C8orf33: variants seen among roughly 807,000 people sequenced by gnomAD.
The protein encoded by C8orf33 is UPF0488 protein C8orf33.
A neutral mutation model predicts 25.7 loss-of-function variants in C8orf33; 28 were observed. The ratio of observed to expected loss-of-function variants is 1.09; its 90% CI spans 0.81 to 1.49. The LOEUF (loss-of-function observed/expected upper bound fraction) is 1.49. Among genes scored for constraint, C8orf33 ranks in the 40% most tolerant of loss-of-function variants. The pLI is 0.00. For missense variants in C8orf33, 369 were observed against 294.4 expected, an observed-to-expected ratio of 1.25 and a Z score of -1.85; for synonymous variants, 153 against 115.9, an observed-to-expected ratio of 1.32 and a Z score of -2.06.
In C8orf33 at chr8:145,055,320, C is replaced by T. The variant is rs1587004091; in HGVS notation, c.*1163C>T. 1 of 152,196 alleles carries T rather than the reference C, an allele frequency of 6.6e-6. No individual in the cohort carries two copies. The highest frequency in any genetic ancestry group is 2.4e-5 in the African/African-American group (1 of 41,400). 9.4% of individuals were successfully genotyped at this position (152,196 alleles called of 1,614,324 possible). On this transcript the variant is annotated 3_prime_UTR_variant, in exon 5 of 5. Transcript: ENST00000331434. ...ATTATAATAATCCTCACTCTACAAT[C>T]ATAACCTAGGAAAAACCAGGCCATA... is the stretch of plus-strand genomic sequence containing the variant.
chr8:145,053,241 G>A, intron 3 of C8orf33, 56 bp from the exon 4 acceptor site: 1 of 1,612,878 alleles, frequency 6.2e-7, no homozygotes, highest in South Asian at 1.1e-5. Context: ...CTTTGCGGCG[G>A]GGTGGTAGGA....
In C8orf33 at chr8:145,054,324, G is replaced by A. The variant is rs1822; in HGVS notation, c.*167G>A. ...TGTGAAGGTGTGAGACCATCAGATA[G>A]GCAAAAGACCCCGTTCGTTTTCTGA... is the stretch of plus-strand genomic sequence containing the variant. On this transcript the variant is annotated 3_prime_UTR_variant, in exon 5 of 5. Transcript: ENST00000331434. 1,410 of 641,124 alleles carry A rather than the reference G, an allele frequency of 2.2e-3. 12 individuals carry two copies. Among genetic ancestry groups the A allele is most frequent in the African/African-American group, 0.02 (1,091 of 54,532 alleles). 39.7% of individuals were successfully genotyped at this position (641,124 alleles called of 1,614,324 possible). A position where few individuals can be genotyped will look rare whatever the true frequency, so the allele number is the denominator to read the frequency against.
In C8orf33 at chr8:145,055,566, C is replaced by T; in HGVS notation, c.*1409C>T. ...ACTGGGAAAAGGAGCCTCCCTTTCC[C>T]CGGGGGAGTTTAGAGAAGACTACTC... On this transcript the variant is annotated 3_prime_UTR_variant, in exon 5 of 5. Transcript: ENST00000331434. 1 of 164,746 alleles carries T rather than the reference C, an allele frequency of 6.1e-6. No homozygotes were observed. The highest frequency in any genetic ancestry group is 1.6e-4 in the South Asian group (1 of 6,192). 10.2% of individuals were successfully genotyped at this position (164,746 alleles called of 1,614,324 possible). A position where few individuals can be genotyped will look rare whatever the true frequency, so the allele number is the denominator to read the frequency against.
chr8:145,055,943 A>T lies in C8orf33; in HGVS notation c.*1786A>T. 1 of 214,064 alleles carries T rather than the reference A, an allele frequency of 4.7e-6. No homozygotes were observed. 13.3% of individuals were successfully genotyped at this position (214,064 alleles called of 1,614,324 possible). A position where few individuals can be genotyped will look rare whatever the true frequency, so the allele number is the denominator to read the frequency against. On this transcript the variant is annotated 3_prime_UTR_variant, in exon 5 of 5. Coordinates refer to ENST00000331434, the MANE Select transcript of C8orf33 (RefSeq NM_023080.3). ...TGCCCCTTTGTCTTATATCCAATAA[A>T]TATCAGTGCAGCCTGGCATTTGGGG...
Position 145,054,407 on chromosome 8 carries a change from A to G in C8orf33, c.*250A>G, listed in dbSNP as rs1226490816. The stretch of plus-strand genomic sequence containing the variant: ...GGTGCATTTAGAAAATATGCAATAA[A>G]TTGAAGTGAGTGTTCAAAGTATTGT... On this transcript the variant is annotated 3_prime_UTR_variant, in exon 5 of 5. Coordinates refer to ENST00000331434, the MANE Select transcript of C8orf33 (RefSeq NM_023080.3). The G allele has an allele frequency of 2.4e-6, 1 of 410,066 alleles. No homozygotes were observed. The highest frequency in any genetic ancestry group is 4.4e-6 in the Non-Finnish European group (1 of 226,460). The allele number at this position is 410,066 out of a possible 1,614,324, so 25.4% of individuals were successfully genotyped here. A position where few individuals can be genotyped will look rare whatever the true frequency, so the allele number is the denominator to read the frequency against.
chr8:145,053,602 C>A (rs918091252), intron 4 of C8orf33, 159 bp downstream of exon 4: 10 of 714,772 alleles, frequency 1.4e-5, no homozygotes, highest in Non-Finnish European at 2.0e-5. Flanking sequence ...GTGGACCTCT[C>A]TTTCCTCTTC....
rs760741150 is a variant in C8orf33 at position 145,054,241 on chromosome 8, G to A, written c.*84G>A. ...AGTGCAGAGCCTTTCCAGGACTTCT[G>A]TTGTCAGAGAACCCTGGAGTTGGTC... On this transcript the variant is annotated 3_prime_UTR_variant, in exon 5 of 5. Coordinates refer to ENST00000331434, the MANE Select transcript of C8orf33 (RefSeq NM_023080.3). 3.9e-4 allele frequency: 578 copies of A among 1,490,718 alleles called. 4 individuals are homozygous for A. Among genetic ancestry groups the A allele is most frequent in the Non-Finnish European group, 9.0e-5 (99 of 1,097,354 alleles). 92.3% of individuals were successfully genotyped at this position (1,490,718 alleles called of 1,614,324 possible).
At position 145,054,073 on chromosome 8, in the gene C8orf33, A is replaced by G. The variant is rs1397682309; in HGVS notation, c.606A>G (p.Gln202=). The change falls in exon 5 of 5, where the codon CAA becomes CAG. Residue 202 remains glutamine, a synonymous_variant. Transcript: ENST00000331434. ...PVDGATRKKS[Q]RVCRPRSIWR... is the part of the protein sequence containing the mutation. ...ATGGAGCCACCAGAAAGAAGAGCCA[A>G]AGGGTCTGCAGGCCTCGCTCTATAT... The G allele has an allele frequency of 6.2e-7, 1 of 1,614,194 alleles. No homozygotes were observed.
At position 145,052,847 on chromosome 8, in the gene C8orf33, G is replaced by A; in HGVS notation, c.268G>A (p.Ala90Thr). Residue 90 changes from alanine to threonine, a missense_variant, in exon 2 of 5, where the codon GCC becomes ACC. By Grantham distance (58) the Ala-to-Thr change is moderately conservative. Coordinates refer to ENST00000331434, the MANE Select transcript of C8orf33 (RefSeq NM_023080.3). ...CTCTGTGGCAAATGGAGGCGAGAAG[G>A]CCTCAGAGAAACTCGCCCCAGAAGA... ...RASVANGGEK[A>T]SEKLAPEEVP... is the part of the protein sequence containing the mutation. 16 of 1,613,832 alleles carry A rather than the reference G, an allele frequency of 9.9e-6. No individual in the cohort carries two copies. Among genetic ancestry groups the A allele is most frequent in the Non-Finnish European group, 1.4e-5 (16 of 1,179,982 alleles).
intron 4 of C8orf33, 24 bp from the exon 5 acceptor site, chr8:145,053,994 A>G (rs1382416561): frequency 1.2e-6 from 2 of 1,611,908 alleles, no homozygotes; most frequent in South Asian, 2.2e-5. Context: ...CAGTTCTGAC[A>G]TACGCTGCTT....
Position 145,052,682 on chromosome 8 carries a change from G to T in C8orf33, c.103G>T (p.Ala35Ser), listed in dbSNP as rs142863079. The T allele has an allele frequency of 3.0e-5, 48 of 1,613,722 alleles. No homozygotes were observed. The highest frequency in any genetic ancestry group is 1.6e-4 in the Middle Eastern group (1 of 6,084). Residue 35 changes from alanine to serine, a missense_variant, in exon 2 of 5, where the codon GCC (alanine) becomes TCC (serine). Ala to Ser is a moderately conservative substitution (Grantham distance 99, BLOSUM62 1). Coordinates refer to ENST00000331434, the MANE Select transcript of C8orf33 (RefSeq NM_023080.3). ...GARLPGPVSS[A>S]RNPSTVCLCP... The stretch of plus-strand genomic sequence containing the variant: ...CCGGCTTCCCGGCCCAGTTTCCAGC[G>T]CCCGGAATCCTTCCACTGTCTGTCT...
chr8:145,055,463 G>T lies in C8orf33; in HGVS notation c.*1306G>T. The stretch of plus-strand genomic sequence containing the variant: ...TGGTCTAGCAGTAACACCAGTGTCT[G>T]GGAAGATGCCTGTTGCAAAGTGGAC... On this transcript the variant is annotated 3_prime_UTR_variant, in exon 5 of 5. Transcript: ENST00000331434. 6.3e-6 allele frequency: 1 copy of T among 157,586 alleles called. No homozygotes were observed. Among genetic ancestry groups the T allele is most frequent in the Non-Finnish European group, 1.4e-5 (1 of 71,750 alleles). 9.8% of individuals were successfully genotyped at this position (157,586 alleles called of 1,614,324 possible). A position where few individuals can be genotyped will look rare whatever the true frequency, so the allele number is the denominator to read the frequency against.
In C8orf33 at chr8:145,054,369, GAA is replaced by G. The variant is rs1835326302; in HGVS notation, c.*213_*214del. ...TTCTGATGAAATGTTCTCTCTTTCA[GAA>G]GAGAGAGAGAGGTGCATTTAGAAAA... On this transcript the variant is annotated 3_prime_UTR_variant, in exon 5 of 5. Coordinates refer to ENST00000331434, the MANE Select transcript of C8orf33 (RefSeq NM_023080.3). 2 of 503,316 alleles carry G rather than the reference GAA, an allele frequency of 4.0e-6. No homozygotes were observed. The highest frequency in any genetic ancestry group is 7.0e-6 in the Non-Finnish European group (2 of 284,086). 31.2% of individuals were successfully genotyped at this position (503,316 alleles called of 1,614,324 possible).
rs1835358857 is a variant in C8orf33, at chr8:145,055,891, A to G, written c.*1734A>G. On this transcript the variant is annotated 3_prime_UTR_variant, in exon 5 of 5. Transcript: ENST00000331434. The stretch of plus-strand genomic sequence containing the variant: ...CATGACCCATGTGACCTTACCTATT[A>G]TTGGAGATGGTTCACATTCCTTACC... The G allele has an allele frequency of 5.8e-6, 1 of 171,226 alleles. No individual in the cohort carries two copies. Among genetic ancestry groups the G allele is most frequent in the Non-Finnish European group, 1.2e-5 (1 of 81,380 alleles). 10.6% of individuals were successfully genotyped at this position (171,226 alleles called of 1,614,324 possible). A position where few individuals can be genotyped will look rare whatever the true frequency, so the allele number is the denominator to read the frequency against.
chr8:145,053,456 C>G lies in C8orf33; in HGVS notation c.550+13C>G. Reference sequence around the variant, plus strand: ...GCTCTCAGAGCTGGTGAGGAGCTAGCCACTGGTTGATTCAGGAAGGCCTAA... The same window carrying G: ...GCTCTCAGAGCTGGTGAGGAGCTAGGCACTGGTTGATTCAGGAAGGCCTAA... On this transcript the variant is annotated intron_variant, in intron 4 of 4. Coordinates refer to ENST00000331434, the MANE Select transcript of C8orf33 (RefSeq NM_023080.3). The G allele has an allele frequency of 6.2e-7, 1 of 1,613,304 alleles. No homozygotes were observed. Among genetic ancestry groups the G allele is most frequent in the Admixed American group, 1.7e-5 (1 of 59,884 alleles).
chr8:145,054,350 T>A lies in C8orf33; in HGVS notation c.*193T>A. On this transcript the variant is annotated 3_prime_UTR_variant, in exon 5 of 5. Coordinates refer to ENST00000331434, the MANE Select transcript of C8orf33 (RefSeq NM_023080.3). The stretch of plus-strand genomic sequence containing the variant: ...GCAAAAGACCCCGTTCGTTTTCTGA[T>A]GAAATGTTCTCTCTTTCAGAAGAGA... 1.9e-6 allele frequency: 1 copy of A among 529,484 alleles called. No individual in the cohort carries two copies. Among genetic ancestry groups the A allele is most frequent in the Non-Finnish European group, 3.3e-6 (1 of 301,814 alleles). The allele number at this position is 529,484 out of a possible 1,614,324, so 32.8% of individuals were successfully genotyped here.
chr8:145,052,564 C>T (rs1360332930), intron 1 of C8orf33, 22 bp from the exon 2 acceptor site: 1 of 1,601,716 alleles, frequency 6.2e-7, no homozygotes, highest in Non-Finnish European at 8.5e-7. Context: ...CGGTGACCCT[C>T]GTGCTACCCC....
In C8orf33 at chr8:145,055,152, G is replaced by A. The variant is rs1226954462; in HGVS notation, c.*995G>A. The A allele has an allele frequency of 3.9e-5, 6 of 152,202 alleles. No individual in the cohort carries two copies. The East Asian group carries it at 9.6e-4, about 24-fold the overall frequency. 9.4% of individuals were successfully genotyped at this position (152,202 alleles called of 1,614,324 possible). On this transcript the variant is annotated 3_prime_UTR_variant, in exon 5 of 5. Transcript: ENST00000331434. ...GTGGGTGGCAAGCCACCCAGGTGCC[G>A]AGGAAAGAGACTGAGGGCACGAGCT...
rs775840283 is a variant in C8orf33, at chr8:145,053,432, C to G, written c.539C>G (p.Ala180Gly). ...GCCGAATGGCGTGAGGCCCTGCGGG[C>G]TCTCAGAGCTGGTGAGGAGCTAGCC... ...MEAEWREALR[A>G]LRAAAYSAQV... The change falls in exon 4 of 5, where the codon GCT (alanine) becomes GGT (glycine). Residue 180 changes from alanine (A) to glycine (G), a missense_variant. By Grantham distance (60) the Ala-to-Gly change is moderately conservative. Coordinates refer to ENST00000331434, the MANE Select transcript of C8orf33 (RefSeq NM_023080.3). The G allele has an allele frequency of 1.9e-5, 31 of 1,614,006 alleles. No homozygotes were observed. Among genetic ancestry groups the G allele is most frequent in the South Asian group, 3.3e-5 (3 of 91,084 alleles).
Sources: gnomAD v4.1 joint callset for allele counts on GRCh38, gnomAD v4.1.1 for gene constraint, MANE v1.5 for transcripts, NCBI Gene and HGNC (gene_info 2026-07-23, HGNC 2026-07-21) for gene names.